The following KCTD8 variants were observed in gnomAD, a reference collection of about 807,000 sequenced individuals.
KCTD8 encodes the protein BTB/POZ domain-containing protein KCTD8.
A neutral mutation model predicts 31.5 loss-of-function variants in KCTD8; 27 were observed. The observed-to-expected ratio is 0.86, with a 90% CI of 0.63 to 1.18. The LOEUF is 1.18. Ranked by LOEUF, KCTD8 falls within the 50% of genes most tolerant of loss-of-function variation. The probability of loss-of-function intolerance (pLI) is 0.00; values close to 1 mark genes in which losing one functional copy is unlikely to be tolerated. For missense variants in KCTD8, 658 were observed against 647.7 expected, an observed-to-expected ratio of 1.02 and a Z score of -0.17; for synonymous variants, 290 against 280.0, an observed-to-expected ratio of 1.04 and a Z score of -0.36.
chr4:44,207,588 C>T (rs1452485985), intron 1 of KCTD8, among the ~76,000 whole-genome samples: 1 of 152,152 alleles, frequency 6.6e-6, no homozygotes, highest in Admixed American at 6.5e-5. Context: ...TCCTCTTCTC[C>T]TCTCTCTTAC....
Position 44,174,821 on chromosome 4 carries a change from T to G in KCTD8, c.1391A>C (p.Gln464Pro). Residue 464 changes from glutamine (Q) to proline (P), a missense_variant, in exon 2 of 2, where the codon CAA becomes CCA. Physicochemically the swap from Gln to Pro is moderately conservative, Grantham distance 76. Coordinates refer to ENST00000360029, the MANE Select transcript of KCTD8 (RefSeq NM_198353.3). Reference protein sequence around the residue: ...DYFPERKRQWQSELLQKYGL With the variant: ...DYFPERKRQWPSELLQKYGL ...CCCATACTTCTGCAACAGTTCAGAT[T>G]GCCATTGGCGTTTGCGCTCTGGAAA... The G allele has an allele frequency of 6.2e-7, 1 of 1,611,462 alleles. No homozygotes were observed. The highest frequency in any genetic ancestry group is 8.5e-7 in the Non-Finnish European group (1 of 1,178,660).
intron 1 of KCTD8, among the ~76,000 whole-genome samples, chr4:44,261,057 C>G (rs1716146528): frequency 6.6e-6 from 1 of 151,918 alleles, no homozygotes; most frequent in African/African-American, 2.4e-5. Context: ...AGTGGTAAGA[C>G]TTCAGCTCTA....
At chr4:44,324,956 AGTGATATAGCT>A (rs1371836465) in intron 1 of KCTD8, among the ~76,000 whole-genome samples, 1 of 151,964 alleles carries the variant, frequency 6.6e-6, no homozygotes, top group Non-Finnish European at 1.5e-5. Context: ...TTTCTTTACC[AGTGATATAGCT>A]GCCAACTCTA....
chr4:44,366,020 T>C (rs1345281081), intron 1 of KCTD8, among the ~76,000 whole-genome samples: 1 of 152,158 alleles, frequency 6.6e-6, no homozygotes, highest in Non-Finnish European at 1.5e-5. Context: ...GTTGTAAAAT[T>C]ACAATATGAC....
intron 1 of KCTD8, among the ~76,000 whole-genome samples, chr4:44,396,176 C>A (rs1720500121): frequency 6.6e-6 from 1 of 152,062 alleles, no homozygotes; most frequent in South Asian, 2.1e-4. Context: ...CCCTCGCAGG[C>A]ACAGTTCACA....
At chr4:44,341,721 C>T (rs1324996645) in intron 1 of KCTD8, among the ~76,000 whole-genome samples, 1 of 152,156 alleles carries the variant, frequency 6.6e-6, no homozygotes, top group Non-Finnish European at 1.5e-5. Context: ...GTAGTTACTT[C>T]CTCCACTGAA....
At chr4:44,195,711 C>T (rs909276091) in intron 1 of KCTD8, among the ~76,000 whole-genome samples, 1 of 152,032 alleles carries the variant, frequency 6.6e-6, no homozygotes, top group Admixed American at 6.6e-5. Context: ...ATTTTATATG[C>T]AATTTTTGGT....
chr4:44,333,470 T>C (rs962275245), intron 1 of KCTD8, among the ~76,000 whole-genome samples: 2 of 152,112 alleles, frequency 1.3e-5, no homozygotes, highest in African/African-American at 4.8e-5. Flanking sequence ...AGGCATAGTA[T>C]CAATCAACAA....
intron 1 of KCTD8, among the ~76,000 whole-genome samples, chr4:44,319,795 G>A (rs1231993254): frequency 1.3e-5 from 2 of 152,086 alleles, no homozygotes; most frequent in East Asian, 1.9e-4. Context: ...GCAAATTATA[G>A]GTGTTTTTCC....
At chr4:44,380,465 T>C (rs2109442306) in intron 1 of KCTD8, among the ~76,000 whole-genome samples, 1 of 151,146 alleles carries the variant, frequency 6.6e-6, no homozygotes, top group Admixed American at 6.6e-5. Context: ...CCAAAGTAGG[T>C]ATTTTAATTA....
intron 1 of KCTD8, among the ~76,000 whole-genome samples, chr4:44,212,461 TC>T (rs796924750): frequency 1.4e-4 from 21 of 152,222 alleles, no homozygotes; most frequent in African/African-American, 4.6e-4. Flanking sequence ...CCATAGTTTG[TC>T]CTATGGAACT....
intron 1 of KCTD8, among the ~76,000 whole-genome samples, chr4:44,336,479 AT>A (rs1383914088): frequency 3.9e-5 from 6 of 152,006 alleles, no homozygotes; most frequent in Non-Finnish European, 8.8e-5. Flanking sequence ...ATTAGACAAC[AT>A]TTTATTTATG....
At chr4:44,312,398 G>A (rs990304913) in intron 1 of KCTD8, among the ~76,000 whole-genome samples, 11 of 152,078 alleles carry the variant, frequency 7.2e-5, no homozygotes, top group Non-Finnish European at 1.6e-4. Flanking sequence ...TATCTTTTCA[G>A]GGTAAAATGA....
chr4:44,320,344 C>A (rs928754226), intron 1 of KCTD8, among the ~76,000 whole-genome samples: 2 of 152,050 alleles, frequency 1.3e-5, no homozygotes, highest in Admixed American at 1.3e-4. Context: ...ACTCTCAGAT[C>A]TGGAGGGGCT....
intron 1 of KCTD8, among the ~76,000 whole-genome samples, chr4:44,200,125 C>A (rs770775115): frequency 6.6e-6 from 1 of 151,074 alleles, no homozygotes; most frequent in Non-Finnish European, 1.5e-5. Flanking sequence ...AAAACCTGAA[C>A]GGATTGATAA....
intron 1 of KCTD8, among the ~76,000 whole-genome samples, chr4:44,182,475 T>C (rs1202916283): frequency 6.6e-6 from 1 of 152,244 alleles, no homozygotes; most frequent in Non-Finnish European, 1.5e-5. Context: ...ATTCCGTTGA[T>C]CTATGACCTT....
chr4:44,414,369 T>C (rs1245625659), intron 1 of KCTD8, among the ~76,000 whole-genome samples: 1 of 152,188 alleles, frequency 6.6e-6, no homozygotes, highest in Non-Finnish European at 1.5e-5. Flanking sequence ...TAATTCCCTT[T>C]GATCTTCTGT....
At chr4:44,427,937 T>G (rs1226671423) in intron 1 of KCTD8, among the ~76,000 whole-genome samples, 1 of 151,804 alleles carries the variant, frequency 6.6e-6, no homozygotes, top group African/African-American at 2.4e-5. Context: ...AATAAAACTA[T>G]GAAGTTAATA....
chr4:44,443,659 A>G (rs1001083434), intron 1 of KCTD8, among the ~76,000 whole-genome samples: 4 of 152,346 alleles, frequency 2.6e-5, no homozygotes, highest in Admixed American at 6.5e-5. Flanking sequence ...AGAAAGGTGT[A>G]CATTCACACA....
Sources: allele counts gnomAD v4.1 joint callset (sites outside exome capture counted in the v4.1 genomes callset), GRCh38; gene constraint gnomAD v4.1.1; transcripts MANE v1.5; gene names NCBI Gene and HGNC (gene_info 2026-07-23, HGNC 2026-07-21).